NAV2: variants seen among roughly 807,000 people sequenced by gnomAD.
NAV2 encodes the protein helicase, APC down-regulated 1.
Under a neutral mutation model 223.2 loss-of-function variants are expected in NAV2, and 54 were observed. The observed-to-expected ratio is 0.24, with a 90% confidence interval of 0.19 to 0.30. The LOEUF (loss-of-function observed/expected upper bound fraction) is 0.30. Ranked by LOEUF, NAV2 falls within the 10% of genes least tolerant of loss-of-function variation. NAV2 has a pLI of 1.00. For synonymous variants in NAV2, 1,279 were observed against 1,239.3 expected, an observed-to-expected ratio of 1.03 and a Z score of -0.67; for missense variants, 2,806 against 3,147.5, an observed-to-expected ratio of 0.89 and a Z score of 2.60.
intron 1 of NAV2, among the ~76,000 whole-genome samples, chr11:19,683,621 G>A (rs886525264): frequency 2.6e-5 from 4 of 152,230 alleles, no homozygotes; most frequent in African/African-American, 9.6e-5. Flanking sequence ...TAGCACTGTG[G>A]TCCCCACTGC....
rs922455602 is a variant in NAV2 at position 19,671,975 on chromosome 11, C to T, written c.76-160509C>T. ...CCCTGTCTAGAGGGAGAGACATTCA[C>T]AGACAGGCCATTACAATAGTGATGG... On this transcript the variant is annotated intron_variant, in intron 1 of 37. Transcript: ENST00000360655. Among the ~76,000 whole-genome samples, 7 of 152,314 alleles carry T rather than the reference C, an allele frequency of 4.6e-5. 1 individual carries two copies. The highest frequency in any genetic ancestry group is 4.6e-4 in the Admixed American group (7 of 15,298).
upstream of NAV2, among the ~76,000 whole-genome samples, chr11:19,346,566 G>A (rs1422863068): frequency 6.6e-6 from 1 of 152,256 alleles, no homozygotes; most frequent in Non-Finnish European, 1.5e-5. Context: ...GTGGCAGCCC[G>A]CGTCGCCCAG....
At chr11:20,023,039 AC>A (rs1160502116) in intron 11 of NAV2, 3 of 1,548,538 alleles carry the variant, frequency 1.9e-6, no homozygotes, top group Admixed American at 2.0e-5. Context: ...TGGCTAAAGG[AC>A]TTGCCATCCT....
chr11:19,425,080 G>A (rs1850773437), intron 1 of NAV2, among the ~76,000 whole-genome samples: 1 of 152,146 alleles, frequency 6.6e-6, no homozygotes, highest in Non-Finnish European at 1.5e-5. Context: ...ATACAACCTT[G>A]TGTTTATAAG....
At chr11:20,114,569 G>T (rs779315389) in intron 36 of NAV2, 23 bp from the exon 37 acceptor site, 1 of 1,612,728 alleles carries the variant, frequency 6.2e-7, no homozygotes, top group Non-Finnish European at 8.5e-7. Flanking sequence ...CTTCCAGACT[G>T]TTCCTTCTTT....
At chr11:19,843,208 T>G (rs2152947643) in intron 3 of NAV2, among the ~76,000 whole-genome samples, 1 of 152,346 alleles carries the variant, frequency 6.6e-6, no homozygotes, top group South Asian at 2.1e-4. Flanking sequence ...ATATACATGT[T>G]TAGTACTTGA....
At chr11:20,007,559 C>G (rs886500147) in intron 11 of NAV2, among the ~76,000 whole-genome samples, 1 of 152,190 alleles carries the variant, frequency 6.6e-6, no homozygotes, top group African/African-American at 2.4e-5. Flanking sequence ...CTCTCAAAGT[C>G]TAAATTTAGC....
intron 36 of NAV2, among the ~76,000 whole-genome samples, chr11:20,112,262 C>A (rs2062697858): frequency 6.6e-6 from 1 of 152,166 alleles, no homozygotes; most frequent in African/African-American, 2.4e-5. Context: ...CCTGCTCACA[C>A]AATAATTGCT....
At chr11:19,724,024 G>T (rs1467104535) in intron 1 of NAV2, among the ~76,000 whole-genome samples, 2 of 152,188 alleles carry the variant, frequency 1.3e-5, no homozygotes, top group East Asian at 3.8e-4. Flanking sequence ...GAATAACCTG[G>T]CTTACTTGGG....
At chr11:20,108,398 TA>T (rs1439952249) in intron 36 of NAV2, among the ~76,000 whole-genome samples, 1 of 152,114 alleles carries the variant, frequency 6.6e-6, no homozygotes. Context: ...TCGGGGCCCA[TA>T]AGGCTGCCAG....
intron 1 of NAV2, among the ~76,000 whole-genome samples, chr11:19,832,084 C>A (rs550382641): frequency 2.4e-4 from 36 of 152,180 alleles, no homozygotes; most frequent in Admixed American, 1.2e-3. Flanking sequence ...TGGGTGGTAA[C>A]CTCCCCATAC....
intron 19 of NAV2, among the ~76,000 whole-genome samples, chr11:20,057,163 G>T (rs368557106): frequency 5.9e-5 from 9 of 152,254 alleles, no homozygotes; most frequent in African/African-American, 2.2e-4. Flanking sequence ...GGGAAAAAGG[G>T]CCAGCATCCT....
At chr11:20,115,988 CCA>C (rs2063060766) in intron 37 of NAV2, among the ~76,000 whole-genome samples, 1 of 152,084 alleles carries the variant, frequency 6.6e-6, no homozygotes, top group South Asian at 2.1e-4. Flanking sequence ...AATATAAGAC[CCA>C]CACAGAGTCA....
chr11:20,093,301 G>C, intron 29 of NAV2, 102 bp downstream of exon 29: 1 of 776,770 alleles, frequency 1.3e-6, no homozygotes, highest in East Asian at 2.6e-5. Flanking sequence ...GGAGCCTAAG[G>C]TGATTTGGAA....
intron 1 of NAV2, among the ~76,000 whole-genome samples, chr11:19,829,324 A>G (rs987775074): frequency 6.6e-5 from 10 of 152,006 alleles, no homozygotes; most frequent in Non-Finnish European, 2.9e-5. Context: ...CCGGTTTCTG[A>G]CTTGTTTTTC....
intron 3 of NAV2, among the ~76,000 whole-genome samples, chr11:19,851,020 C>T (rs577296197): frequency 1.3e-5 from 2 of 152,298 alleles, no homozygotes; most frequent in African/African-American, 4.8e-5. Context: ...TGACTTTCCA[C>T]CATGCTTTTA....
intron 1 of NAV2, among the ~76,000 whole-genome samples, chr11:19,683,686 C>G (rs12295525): frequency 6.6e-6 from 1 of 152,122 alleles, no homozygotes; most frequent in African/African-American, 2.4e-5. Context: ...GGCTTCCAGT[C>G]GGGTCTGTGT....
intron 11 of NAV2, among the ~76,000 whole-genome samples, chr11:20,008,851 A>T (rs1158606541): frequency 1.3e-5 from 2 of 152,130 alleles, no homozygotes; most frequent in Non-Finnish European, 2.9e-5. Flanking sequence ...AAATAGAATA[A>T]TGCTGGAAAC....
intron 4 of NAV2, among the ~76,000 whole-genome samples, chr11:19,874,261 G>A (rs2062709778): frequency 6.6e-6 from 1 of 152,186 alleles, no homozygotes; most frequent in Non-Finnish European, 1.5e-5. Flanking sequence ...GTGGAGTCAA[G>A]GCAATACTAA....
Sources: allele counts gnomAD v4.1 joint callset (sites outside exome capture counted in the v4.1 genomes callset), GRCh38; gene constraint gnomAD v4.1.1; transcripts MANE v1.5; gene names NCBI Gene and HGNC (gene_info 2026-07-23, HGNC 2026-07-21).